The following TNIP1 variants were observed in gnomAD, a reference collection of about 807,000 sequenced individuals.
The protein encoded by TNIP1 is TNFAIP3-interacting protein 1.
A neutral mutation model predicts 86.6 loss-of-function variants in TNIP1; 22 were observed. The observed-to-expected ratio is 0.25, with a 90% CI of 0.18 to 0.36. The LOEUF (loss-of-function observed/expected upper bound fraction) is 0.36. Ranked by LOEUF, TNIP1 falls within the 10% of genes least tolerant of loss-of-function variation. The probability of loss-of-function intolerance (pLI) is 1.00; values close to 1 mark genes in which losing one functional copy is unlikely to be tolerated. For missense variants in TNIP1, 709 were observed against 820.6 expected, an observed-to-expected ratio of 0.86 and a Z score of 1.66; for synonymous variants, 294 against 313.0, an observed-to-expected ratio of 0.94 and a Z score of 0.64.
rs375284266 is a variant in TNIP1 at position 151,052,569 on chromosome 5, A to G, written c.628-310T>C. On this transcript the variant is annotated intron_variant, in intron 6 of 17. Transcript: ENST00000521591. ...ACTGCCGGGACCCCTATTCCCCACC[A>G]GCCTCCCCCAGCTGACTTCTACCCT... Among the ~76,000 whole-genome samples, 174 of 151,994 alleles carry G rather than the reference A, an allele frequency of 1.1e-3. 1 individual carries two copies. Among genetic ancestry groups the G allele is most frequent in the African/African-American group, 3.9e-3 (163 of 41,470 alleles).
intron 15 of TNIP1, chr5:151,034,437 CGGAAGGCTGGGCACATGGGCAT>C (rs1757411689): frequency 6.6e-5 from 15 of 225,974 alleles, no homozygotes; most frequent in South Asian, 2.8e-4. Context: ...TACATGGGCA[CGGAAGGCTGGGCACATGGGCAT>C]GGAAGGCTGG....
chr5:151,053,101 C>CTTTTTTTTTTT (rs11390788), intron 6 of TNIP1, among the ~76,000 whole-genome samples: 1 of 85,208 alleles, frequency 1.2e-5, no homozygotes, highest in Non-Finnish European at 2.2e-5. Flanking sequence ...AACTGTTTCT[C>CTTTTTTTTTTT]TTTTTTTTTT....
At chr5:151,071,453 G>T (rs76167874) in intron 1 of TNIP1, among the ~76,000 whole-genome samples, 2,447 of 152,146 alleles carry the variant, frequency 0.016, 74 homozygotes, top group African/African-American at 0.056. Context: ...GGGGTTGTGC[G>T]GGATAATCAT....
intron 11 of TNIP1, 120 bp from the exon 12 acceptor site, chr5:151,039,345 C>CA: frequency 8.8e-7 from 1 of 1,142,072 alleles, no homozygotes; most frequent in Non-Finnish European, 1.2e-6. Flanking sequence ...ACAATGCTCA[C>CA]ATGCAAAGCA....
intron 8 of TNIP1, among the ~76,000 whole-genome samples, chr5:151,047,166 A>C (rs1396811818): frequency 6.6e-6 from 1 of 152,212 alleles, no homozygotes; most frequent in Non-Finnish European, 1.5e-5. Context: ...ACAGTAGTAA[A>C]ACACTGACAT....
intron 5 of TNIP1, among the ~76,000 whole-genome samples, chr5:151,059,783 GA>G (rs1761160963): frequency 2.9e-5 from 1 of 34,964 alleles, no homozygotes; most frequent in Admixed American, 3.8e-4. Flanking sequence ...GAGAGACAGA[GA>G]GAGAGAGAGA....
intron 6 of TNIP1, among the ~76,000 whole-genome samples, chr5:151,054,357 G>C (rs777736213): frequency 9.2e-5 from 14 of 152,182 alleles, no homozygotes; most frequent in Non-Finnish European, 1.8e-4. Flanking sequence ...AACTGGAGGT[G>C]GCTGGACAAT....
intron 17 of TNIP1, chr5:151,032,054 C>CTTTTCTT: frequency 1.9e-6 from 1 of 535,306 alleles, no homozygotes; most frequent in South Asian, 2.6e-5. Flanking sequence ...GTTCTCTAGG[C>CTTTTCTT]ATCCATAGCA....
At chr5:151,046,154 G>A in intron 8 of TNIP1, 1 of 561,416 alleles carries the variant, frequency 1.8e-6, no homozygotes, top group Non-Finnish European at 3.2e-6. Context: ...CCCCCTCCCT[G>A]ACTCAGGGTG....
At chr5:151,054,513 T>G (rs1760388924) in intron 6 of TNIP1, among the ~76,000 whole-genome samples, 1 of 152,106 alleles carries the variant, frequency 6.6e-6, no homozygotes, top group Non-Finnish European at 1.5e-5. Flanking sequence ...AAACCCTGTC[T>G]CTACTAAAAA....
chr5:151,086,031 G>A (rs958929300), upstream of TNIP1, among the ~76,000 whole-genome samples: 6 of 152,128 alleles, frequency 3.9e-5, no homozygotes, highest in African/African-American at 1.4e-4. Context: ...CTTCTAGCCA[G>A]GGACTTCCCT....
At chr5:151,060,251 ATGG>A (rs1761376496) in intron 5 of TNIP1, 64 bp downstream of exon 5, 3 of 1,533,956 alleles carry the variant, frequency 2.0e-6, no homozygotes, top group Non-Finnish European at 1.8e-6. Flanking sequence ...TGCCTCTCAC[ATGG>A]TAGCAAGTGA....
intron 5 of TNIP1, among the ~76,000 whole-genome samples, chr5:151,058,775 G>A (rs1420407004): frequency 6.6e-6 from 1 of 152,212 alleles, no homozygotes; most frequent in Non-Finnish European, 1.5e-5. Context: ...GCTATGGGGA[G>A]GAGGAACTTG....
chr5:151,053,816 C>A lies in TNIP1; in HGVS notation c.628-1557G>T, dbSNP rs1169946153. Among the ~76,000 whole-genome samples, 5 of 152,306 alleles carry A rather than the reference C, an allele frequency of 3.3e-5. No homozygotes were observed. The East Asian group carries it at 9.6e-4, about 29-fold the overall frequency. On this transcript the variant is annotated intron_variant, in intron 6 of 17. Transcript: ENST00000521591. Reference sequence around the variant, plus strand: ...GTAAAATGATACAGTCTAACAGGTGCACAGCTGCTAAGACTCATCACTGGC... The same window carrying A: ...GTAAAATGATACAGTCTAACAGGTGAACAGCTGCTAAGACTCATCACTGGC...
chr5:151,060,198 C>G (rs916042444), intron 5 of TNIP1, 120 bp downstream of exon 5: 48 of 1,027,938 alleles, frequency 4.7e-5, no homozygotes, highest in Non-Finnish European at 6.8e-5. Context: ...CTCGTGTATC[C>G]CCAAGTGACT....
intron 12 of TNIP1, 21 bp downstream of exon 12, chr5:151,039,076 G>A: frequency 6.2e-7 from 1 of 1,607,556 alleles, no homozygotes; most frequent in East Asian, 2.2e-5. Context: ...CCAGCCAAGG[G>A]ACCCGGGCCA....
intron 1 of TNIP1, among the ~76,000 whole-genome samples, chr5:151,086,676 A>G (rs553386333): frequency 6.6e-6 from 1 of 152,334 alleles, no homozygotes; most frequent in South Asian, 2.1e-4. Context: ...ACAGGCACAC[A>G]TTCTCACACA....
intron 11 of TNIP1, among the ~76,000 whole-genome samples, chr5:151,040,698 C>T (rs1309428831): frequency 3.3e-5 from 5 of 152,182 alleles, no homozygotes; most frequent in African/African-American, 1.2e-4. Context: ...CCTACCACAC[C>T]TCCAAGGTAA....
chr5:151,036,061 G>T (rs746654328), intron 13 of TNIP1, among the ~76,000 whole-genome samples: 5 of 152,174 alleles, frequency 3.3e-5, no homozygotes, highest in African/African-American at 4.8e-5. Flanking sequence ...TGGATCTGCT[G>T]GTTCTGAGGG....
Sources: gnomAD v4.1 joint callset for allele counts (sites outside exome capture counted in the v4.1 genomes callset) on GRCh38, gnomAD v4.1.1 for gene constraint, MANE v1.5 for transcripts, NCBI Gene and HGNC (gene_info 2026-07-23, HGNC 2026-07-21) for gene names.